The following CENPP variants were observed in gnomAD, a reference collection of about 807,000 sequenced individuals.
CENPP encodes the protein centromere protein P.
Under a neutral mutation model 35.6 loss-of-function variants are expected in CENPP, and 24 were observed. The observed-to-expected ratio is 0.67, with a 90% confidence interval of 0.49 to 0.95. The LOEUF is 0.95. Among genes scored for constraint, CENPP ranks in the 40% least tolerant of loss-of-function variants. CENPP has a pLI of 0.00. For missense variants in CENPP, 332 were observed against 345.3 expected (o/e 0.96, Z 0.31); for synonymous variants, 120 against 125.5 (o/e 0.96, Z 0.29).
chr9:92,470,815 A>G (rs1845484083), intron 5 of CENPP: 2 of 1,229,124 alleles, frequency 1.6e-6, no homozygotes, highest in Non-Finnish European at 2.3e-6. Context: ...TATAATAGAG[A>G]ATCATGCTGA....
chr9:92,447,857 A>C (rs968913519), intron 5 of CENPP, among the ~76,000 whole-genome samples: 3 of 152,144 alleles, frequency 2.0e-5, no homozygotes, highest in African/African-American at 7.2e-5. Flanking sequence ...TAGGGACCTT[A>C]TGAGTTCGAA....
intron 4 of CENPP, among the ~76,000 whole-genome samples, chr9:92,353,590 A>C (rs535411257): frequency 1.1e-4 from 16 of 151,944 alleles, no homozygotes; most frequent in African/African-American, 3.6e-4. Context: ...CAACACTGTA[A>C]CTCCCTTCTT....
intron 5 of CENPP, among the ~76,000 whole-genome samples, chr9:92,479,380 A>G (rs1041773478): frequency 1.4e-4 from 21 of 152,222 alleles, no homozygotes; most frequent in South Asian, 2.1e-4. Context: ...AGTTTTAGGC[A>G]GTAGCATTAT....
intron 4 of CENPP, among the ~76,000 whole-genome samples, chr9:92,366,636 T>A (rs535595798): frequency 1.3e-5 from 2 of 152,322 alleles, no homozygotes; most frequent in African/African-American, 4.8e-5. Context: ...GCATTATTTT[T>A]AAAATAAAAC....
At chr9:92,486,806 G>C (rs920711104) in intron 5 of CENPP, among the ~76,000 whole-genome samples, 2 of 147,684 alleles carry the variant, frequency 1.4e-5, no homozygotes, top group African/African-American at 5.0e-5. Context: ...TTTTGAGACG[G>C]AGTCTTGCTC....
intron 5 of CENPP, among the ~76,000 whole-genome samples, chr9:92,548,618 A>G (rs557586577): frequency 1.3e-5 from 2 of 152,372 alleles, no homozygotes; most frequent in South Asian, 2.1e-4. Context: ...GAAGTTAAGG[A>G]AAAGATATGT....
chr9:92,443,703 A>G (rs958456272), intron 5 of CENPP, among the ~76,000 whole-genome samples: 1 of 151,752 alleles, frequency 6.6e-6, no homozygotes, highest in Non-Finnish European at 1.5e-5. Flanking sequence ...TCTGTCCCCC[A>G]GGCTGGAGTG....
Position 92,516,373 on chromosome 9 carries a change from C to T in CENPP, c.565-94941C>T, listed in dbSNP as rs113688316. On this transcript the variant is annotated intron_variant, in intron 5 of 7. Transcript: ENST00000375587. ...CTACCGTGCCCAGCCAGAGTGCATA[C>T]GTTTTCTTCCATCAAGATTTAAAAA... Among the ~76,000 whole-genome samples the T allele has an allele frequency of 2.4e-4, 36 of 152,182 alleles. 1 individual carries two copies. The highest frequency in any genetic ancestry group is 8.2e-4 in the African/African-American group (34 of 41,532).
rs551371388 is a variant in CENPP, at chr9:92,446,966, T to TAAA, written c.564+67108_564+67109insAAA. On this transcript the variant is annotated intron_variant, in intron 5 of 7. Transcript: ENST00000375587. ...ATCTCAGCTCAGTAAATCAGCACTT[T>TAAA]AGGTAAGATAAAGTAAACAGAGTAG... 4.9e-3 allele frequency among the ~76,000 whole-genome samples: 749 copies of TAAA among 151,740 alleles called. 4 individuals carry two copies. Among genetic ancestry groups the TAAA allele is most frequent in the Non-Finnish European group, 7.9e-3 (537 of 68,012 alleles).
At chr9:92,559,779 G>A (rs560082017) in intron 5 of CENPP, among the ~76,000 whole-genome samples, 1 of 152,224 alleles carries the variant, frequency 6.6e-6, no homozygotes, top group South Asian at 2.1e-4. Flanking sequence ...GGGATTACAG[G>A]CATGAGCCAC....
rs1564021147 is a variant in CENPP, at chr9:92,611,264, C to A, written c.565-50C>A. 11 of 1,485,410 alleles carry A rather than the reference C, an allele frequency of 7.4e-6. No individual in the cohort carries two copies. The Admixed American group carries it at 1.8e-4, about 25-fold the overall frequency. 92.0% of individuals were successfully genotyped at this position (1,485,410 alleles called of 1,614,324 possible). On this transcript the variant is annotated intron_variant, in intron 5 of 7. Coordinates refer to ENST00000375587, the MANE Select transcript of CENPP (RefSeq NM_001012267.3). ...GGTGCCCCGTGCCCCTCCCATGGCC[C>A]CTTTCTCCCCACCAGTGGATCTGTC...
chr9:92,434,253 G>A (rs1371121969), intron 5 of CENPP, among the ~76,000 whole-genome samples: 2 of 151,960 alleles, frequency 1.3e-5, no homozygotes, highest in African/African-American at 2.4e-5. Context: ...GCTGGGTGTG[G>A]TGGTGCACAC....
chr9:92,381,596 A>G (rs1842247397), intron 5 of CENPP, among the ~76,000 whole-genome samples: 1 of 152,144 alleles, frequency 6.6e-6, no homozygotes, highest in African/African-American at 2.4e-5. Flanking sequence ...ATATTCCATT[A>G]AATGTATGTA....
At chr9:92,417,128 A>G in intron 5 of CENPP, 1 of 1,613,798 alleles carries the variant, frequency 6.2e-7, no homozygotes. Context: ...ATGAAGTTGT[A>G]GTAGATTTGG....
intron 4 of CENPP, among the ~76,000 whole-genome samples, chr9:92,346,268 C>G (rs1841292323): frequency 6.6e-6 from 1 of 152,062 alleles, no homozygotes; most frequent in African/African-American, 2.4e-5. Context: ...CTCAAGCAGT[C>G]CTCCTGCCTT....
chr9:92,568,140 G>T (rs986021002), intron 5 of CENPP, among the ~76,000 whole-genome samples: 1 of 93,972 alleles, frequency 1.1e-5, no homozygotes, highest in Non-Finnish European at 2.1e-5. Flanking sequence ...CAACATGCAG[G>T]TTTGTTACAT....
chr9:92,604,671 T>A (rs1851023883), intron 5 of CENPP, among the ~76,000 whole-genome samples: 1 of 152,260 alleles, frequency 6.6e-6, no homozygotes, highest in African/African-American at 2.4e-5. Context: ...CTCAGCTCGC[T>A]GCAACCTCTG....
At chr9:92,580,231 A>C (rs890306479) in intron 5 of CENPP, among the ~76,000 whole-genome samples, 1 of 152,044 alleles carries the variant, frequency 6.6e-6, no homozygotes, top group Admixed American at 6.5e-5. Flanking sequence ...TTTTTGCATC[A>C]ATGTTCATCA....
At chr9:92,413,021 G>A (rs1447998099) in intron 5 of CENPP, among the ~76,000 whole-genome samples, 1 of 52,146 alleles carries the variant, frequency 1.9e-5, no homozygotes, top group Non-Finnish European at 3.4e-5. Context: ...TTTTGCTCTT[G>A]TTGCCCAGGC....
Sources: gnomAD v4.1 joint callset for allele counts (sites outside exome capture counted in the v4.1 genomes callset) on GRCh38, gnomAD v4.1.1 for gene constraint, MANE v1.5 for transcripts, NCBI Gene and HGNC (gene_info 2026-07-23, HGNC 2026-07-21) for gene names.